AFG2A: variants seen among roughly 807,000 people sequenced by gnomAD.
The protein encoded by AFG2A is ATPase family gene 2 protein homolog A.
chr4:123,056,045 A>T, the AFG2A span, among the ~76,000 whole-genome samples: 3 of 152,360 alleles, frequency 2.0e-5, no homozygotes, highest in East Asian at 5.8e-4. Context: ...AGAGCTAGCC[A>T]GTGGTTAGGC....
At chr4:123,269,998 G>A in the AFG2A span, among the ~76,000 whole-genome samples, 138 of 152,208 alleles carry the variant, frequency 9.1e-4, no homozygotes, top group African/African-American at 3.2e-3. Context: ...TTGTATTTTA[G>A]TAGAGATGTG....
chr4:123,079,022 G>A, the AFG2A span, among the ~76,000 whole-genome samples: 346 of 152,196 alleles, frequency 2.3e-3, 2 homozygotes, highest in Non-Finnish European at 4.0e-3. Flanking sequence ...TGTTATTACT[G>A]TTTTTATGAG....
the AFG2A span, among the ~76,000 whole-genome samples, chr4:123,150,500 A>T: frequency 6.6e-6 from 1 of 152,220 alleles, no homozygotes; most frequent in African/African-American, 2.4e-5. Context: ...GAGCCAAATC[A>T]TCAGTGAACT....
the AFG2A span, among the ~76,000 whole-genome samples, chr4:123,002,848 G>T: frequency 0.43 from 65,375 of 152,022 alleles, 17,045 homozygotes; most frequent in Non-Finnish European, 0.57. Context: ...CTGAATGTTG[G>T]CCTGCCTTGC....
At chr4:123,199,709 G>C in the AFG2A span, among the ~76,000 whole-genome samples, 1 of 151,726 alleles carries the variant, frequency 6.6e-6, no homozygotes, top group South Asian at 2.1e-4. Context: ...TGACCTCGTG[G>C]TCTGCCCGCC....
chr4:123,061,015 A>G, the AFG2A span, among the ~76,000 whole-genome samples: 1 of 152,198 alleles, frequency 6.6e-6, no homozygotes, highest in Non-Finnish European at 1.5e-5. Flanking sequence ...CATTTACTCC[A>G]GTTTCCAACA....
chr4:123,014,134 T>C, the AFG2A span, among the ~76,000 whole-genome samples: 1 of 152,190 alleles, frequency 6.6e-6, no homozygotes, highest in Non-Finnish European at 1.5e-5. Flanking sequence ...AGTTTCCTTG[T>C]TTTTAGTTTC....
the AFG2A span, among the ~76,000 whole-genome samples, chr4:123,144,254 C>G: frequency 6.6e-6 from 1 of 152,034 alleles, no homozygotes; most frequent in Non-Finnish European, 1.5e-5. Flanking sequence ...CATTGTTTAG[C>G]TCTATATATC....
At chr4:123,231,882 A>G in the AFG2A span, among the ~76,000 whole-genome samples, 3 of 145,666 alleles carry the variant, frequency 2.1e-5, no homozygotes, top group Admixed American at 2.0e-4. Flanking sequence ...GAATACACAC[A>G]ACATTTGTCA....
chr4:122,947,429 T>A, the AFG2A span: 4 of 1,614,116 alleles, frequency 2.5e-6, no homozygotes, highest in Non-Finnish European at 3.4e-6. Context: ...CTGCTGCAGC[T>A]GGCAAATAGT....
the AFG2A span, among the ~76,000 whole-genome samples, chr4:123,125,856 A>G: frequency 6.6e-6 from 1 of 152,062 alleles, no homozygotes; most frequent in African/African-American, 2.4e-5. Context: ...TTTCTGCTCT[A>G]TTACCATTAC....
chr4:123,185,404 T>C, the AFG2A span, among the ~76,000 whole-genome samples: 1 of 152,146 alleles, frequency 6.6e-6, no homozygotes, highest in Non-Finnish European at 1.5e-5. Flanking sequence ...TACTCTGTTT[T>C]ACATATCATT....
chr4:123,245,077 A>G, the AFG2A span, among the ~76,000 whole-genome samples: 1 of 152,204 alleles, frequency 6.6e-6, no homozygotes, highest in Non-Finnish European at 1.5e-5. Flanking sequence ...AGTAGACAGG[A>G]CTGTTCAGAT....
At chr4:123,182,743 G>T in the AFG2A span, among the ~76,000 whole-genome samples, 8 of 152,108 alleles carry the variant, frequency 5.3e-5, no homozygotes, top group African/African-American at 1.9e-4. Context: ...TTAATTCCCA[G>T]TTTACTTTTT....
the AFG2A span, among the ~76,000 whole-genome samples, chr4:123,070,674 G>A: frequency 6.6e-6 from 1 of 152,130 alleles, no homozygotes; most frequent in Non-Finnish European, 1.5e-5. Flanking sequence ...CCATCACTTT[G>A]GGGGTTAGAT....
chr4:123,227,946 A>G, the AFG2A span, among the ~76,000 whole-genome samples: 1 of 152,022 alleles, frequency 6.6e-6, no homozygotes. Flanking sequence ...TGTTGAATTG[A>G]TCCCTTTACC....
chr4:123,297,443 C>T, the AFG2A span, among the ~76,000 whole-genome samples: 6 of 152,080 alleles, frequency 3.9e-5, no homozygotes, highest in South Asian at 2.1e-4. Context: ...AACTAGAGGC[C>T]GGGTGTGGTG....
chr4:123,044,159 G>T, the AFG2A span, among the ~76,000 whole-genome samples: 5 of 152,156 alleles, frequency 3.3e-5, no homozygotes, highest in Non-Finnish European at 5.9e-5. Flanking sequence ...CTTGTATGCA[G>T]CTGATCTGGG....
the AFG2A span, among the ~76,000 whole-genome samples, chr4:123,155,106 A>G: frequency 6.6e-6 from 1 of 151,988 alleles, no homozygotes; most frequent in African/African-American, 2.4e-5. Flanking sequence ...ATTTATTTAG[A>G]CACAGAGTCT....
Sources: gnomAD v4.1 joint callset for allele counts (sites outside exome capture counted in the v4.1 genomes callset) on GRCh38, gnomAD v4.1.1 for gene constraint, MANE v1.5 for transcripts, NCBI Gene and HGNC (gene_info 2026-07-23, HGNC 2026-07-21) for gene names.